PKIG: variants seen among roughly 807,000 people sequenced by gnomAD.
The protein encoded by PKIG is cAMP-dependent protein kinase inhibitor gamma.
PKIG carries 1 observed loss-of-function variant against 6.8 expected under a neutral mutation model. That is an observed-to-expected ratio of 0.15 (90% confidence interval 0.05 to 0.69). The LOEUF is 0.69. Ranked by LOEUF, PKIG falls within the 30% of genes least tolerant of loss-of-function variation. PKIG has a pLI of 0.82. For synonymous variants in PKIG, 39 were observed against 43.0 expected (o/e 0.91, Z 0.36); for missense variants, 77 against 104.0 (o/e 0.74, Z 1.13).
intron 1 of PKIG, among the ~76,000 whole-genome samples, chr20:44,555,423 T>TA (rs2064704683): frequency 6.6e-6 from 1 of 152,244 alleles, no homozygotes; most frequent in South Asian, 2.1e-4. Flanking sequence ...TTTATGTAAG[T>TA]TTATAAATAT....
intron 1 of PKIG, among the ~76,000 whole-genome samples, chr20:44,563,578 A>G (rs528550154): frequency 9.2e-5 from 14 of 152,288 alleles, no homozygotes; most frequent in African/African-American, 3.4e-4. Flanking sequence ...TGCCCAGGCT[A>G]GAGTACAGTG....
intron 1 of PKIG, among the ~76,000 whole-genome samples, chr20:44,543,631 C>T (rs1167674489): frequency 6.6e-6 from 1 of 152,204 alleles, no homozygotes. Flanking sequence ...CTGTCACAGG[C>T]TTCTTTCCCT....
intron 2 of PKIG, among the ~76,000 whole-genome samples, chr20:44,591,820 T>G (rs1052215980): frequency 6.6e-6 from 1 of 152,240 alleles, no homozygotes; most frequent in Non-Finnish European, 1.5e-5. Flanking sequence ...CAGAGAAATC[T>G]CTCTGTTTCG....
intron 1 of PKIG, among the ~76,000 whole-genome samples, chr20:44,546,259 AAGGAGAGGAGAG>A (rs1334381211): frequency 1.3e-5 from 2 of 152,080 alleles, no homozygotes; most frequent in East Asian, 1.9e-4. Flanking sequence ...CAGAGAAGAG[AAGGAGAGGAGAG>A]AGGAGAGGAG....
intron 1 of PKIG, among the ~76,000 whole-genome samples, chr20:44,541,342 A>G (rs1329370556): frequency 6.6e-6 from 1 of 152,084 alleles, no homozygotes; most frequent in Non-Finnish European, 1.5e-5. Context: ...GGCTGGAGTT[A>G]CTGTGGTGCA....
chr20:44,607,377 A>ATTTTTTTTT (rs59226646), intron 2 of PKIG, among the ~76,000 whole-genome samples: 1 of 94,256 alleles, frequency 1.1e-5, no homozygotes, highest in African/African-American at 4.7e-5. Flanking sequence ...ATATATATAT[A>ATTTTTTTTT]TTTTTTTTTT....
chr20:44,571,819 A>G (rs766053860), intron 1 of PKIG, among the ~76,000 whole-genome samples: 61 of 152,190 alleles, frequency 4.0e-4, no homozygotes, highest in Admixed American at 3.3e-4. Context: ...ATGGCATGCA[A>G]TGGGGGCAAT....
chr20:44,609,186 G>T (rs2065192315), intron 2 of PKIG, among the ~76,000 whole-genome samples: 1 of 152,180 alleles, frequency 6.6e-6, no homozygotes, highest in East Asian at 1.9e-4. Context: ...TCCCTGAGGG[G>T]ATATGGTAGC....
chr20:44,561,642 C>T (rs2064768423), intron 1 of PKIG, among the ~76,000 whole-genome samples: 1 of 152,048 alleles, frequency 6.6e-6, no homozygotes, highest in Non-Finnish European at 1.5e-5. Flanking sequence ...TTTCTTGCTG[C>T]AGTGTCCAGG....
chr20:44,616,757 C>T (rs1270598609), intron 3 of PKIG, among the ~76,000 whole-genome samples: 4 of 152,208 alleles, frequency 2.6e-5, no homozygotes, highest in Non-Finnish European at 5.9e-5. Context: ...GGAGCAGTTC[C>T]GTTTCACAGG....
At chr20:44,551,961 C>T (rs2064672564) in intron 1 of PKIG, among the ~76,000 whole-genome samples, 1 of 152,198 alleles carries the variant, frequency 6.6e-6, no homozygotes, top group Non-Finnish European at 1.5e-5. Context: ...TTAAGAGTGT[C>T]TCCCCGTGTA....
chr20:44,536,913 T>C (rs1239657164), intron 1 of PKIG, among the ~76,000 whole-genome samples: 1 of 152,156 alleles, frequency 6.6e-6, no homozygotes, highest in Admixed American at 6.5e-5. Context: ...TTAGTGTGTG[T>C]TTTTTTGTTT....
At chr20:44,557,843 A>T (rs73296396) in intron 1 of PKIG, among the ~76,000 whole-genome samples, 10,674 of 151,816 alleles carry the variant, frequency 0.07, 410 homozygotes, top group South Asian at 0.15. Flanking sequence ...AAAATAATAA[A>T]AAAAAAAGCT....
At chr20:44,533,587 A>T (rs988451457) in intron 1 of PKIG, among the ~76,000 whole-genome samples, 1 of 152,188 alleles carries the variant, frequency 6.6e-6, no homozygotes, top group African/African-American at 2.4e-5. Flanking sequence ...GGATGTTCCA[A>T]ACATTTTCAA....
chr20:44,618,339 G>C lies in PKIG; in HGVS notation c.206G>C (p.Ser69Thr). ...AAGGAAGCTGGCAACCAGCCCCAGA[G>C]CAGCGATGGGACCACCTCGTCTTGA... is the stretch of plus-strand genomic sequence containing the variant. ...PDKEAGNQPQSSDGTTSS is the reference protein window; with the variant it reads ...PDKEAGNQPQTSDGTTSS Residue 69 changes from serine (S) to threonine (T), a missense_variant, in exon 4 of 4, where the codon AGC becomes ACC. By Grantham distance (58) the Ser-to-Thr change is moderately conservative. Coordinates refer to ENST00000372886, the MANE Select transcript of PKIG (RefSeq NM_001281445.2). The C allele has an allele frequency of 2.5e-6, 4 of 1,612,848 alleles. No individual in the cohort carries two copies. The highest frequency in any genetic ancestry group is 3.4e-6 in the Non-Finnish European group (4 of 1,178,800).
In PKIG at chr20:44,568,576, G is replaced by A. The variant is rs143349415; in HGVS notation, c.-240-14009G>A. 1.0e-2 allele frequency among the ~76,000 whole-genome samples: 1,511 copies of A among 151,804 alleles called. 11 individuals carry two copies. Among genetic ancestry groups the A allele is most frequent in the Non-Finnish European group, 0.016 (1,065 of 67,936 alleles). On this transcript the variant is annotated intron_variant, in intron 1 of 4. Coordinates refer to the PKIG transcript ENST00000372887. Reference sequence around the variant, plus strand: ...AGTGATTCTCCTGCCTCAGCCTCACGAGTAGCTGAGATTACAGGCACCTGC... The same window carrying A: ...AGTGATTCTCCTGCCTCAGCCTCACAAGTAGCTGAGATTACAGGCACCTGC...
At chr20:44,534,445 T>C (rs977466392) in intron 1 of PKIG, among the ~76,000 whole-genome samples, 6 of 151,968 alleles carry the variant, frequency 3.9e-5, no homozygotes, top group Non-Finnish European at 7.4e-5. Flanking sequence ...GAACTAGTAT[T>C]GTGTTAAGTA....
chr20:44,606,593 G>A (rs1393164832), intron 2 of PKIG, among the ~76,000 whole-genome samples: 7 of 152,136 alleles, frequency 4.6e-5, no homozygotes, highest in East Asian at 1.9e-4. Context: ...TGGATCACCC[G>A]AGGTCAGGAG....
intron 2 of PKIG, among the ~76,000 whole-genome samples, chr20:44,607,991 C>T (rs1201495254): frequency 1.3e-5 from 2 of 151,894 alleles, no homozygotes; most frequent in African/African-American, 2.4e-5. Context: ...CCACCATGCC[C>T]GGCCAAAATT....
Sources: allele counts gnomAD v4.1 joint callset (sites outside exome capture counted in the v4.1 genomes callset), GRCh38; gene constraint gnomAD v4.1.1; transcripts MANE v1.5; gene names NCBI Gene and HGNC (gene_info 2026-07-23, HGNC 2026-07-21).